The following IGSF11 variants were observed in gnomAD, a reference collection of about 807,000 sequenced individuals.
IGSF11 encodes CXADR like 1.
A neutral mutation model predicts 41.0 loss-of-function variants in IGSF11; 22 were observed. The ratio of observed to expected loss-of-function variants is 0.54; its 90% CI spans 0.38 to 0.77. The LOEUF (loss-of-function observed/expected upper bound fraction) is 0.77. Among genes scored for constraint, IGSF11 ranks in the 30% least tolerant of loss-of-function variants. IGSF11 has a pLI of 0.00. For synonymous variants in IGSF11, 219 were observed against 201.3 expected (o/e 1.09, Z -0.74); for missense variants, 444 against 530.8 (o/e 0.84, Z 1.61).
upstream of IGSF11, among the ~76,000 whole-genome samples, chr3:119,107,031 A>G (rs1187742495): frequency 2.6e-5 from 4 of 152,230 alleles, no homozygotes; most frequent in Non-Finnish European, 5.9e-5. Context: ...TATTGTAAAT[A>G]GTGCCACAAT....
chr3:119,048,947 G>A lies in IGSF11; in HGVS notation c.49+56197C>T, dbSNP rs961804702. On this transcript the variant is annotated intron_variant, in intron 1 of 6. Coordinates refer to the IGSF11 transcript ENST00000354673. Reference sequence around the variant, plus strand: ...AAAAGGCCTTTGACAAAATTCAACAGCCCTTCATGGTAAAAACTCTCAATA... The same window carrying A: ...AAAAGGCCTTTGACAAAATTCAACAACCCTTCATGGTAAAAACTCTCAATA... 2.9e-4 allele frequency among the ~76,000 whole-genome samples: 44 copies of A among 152,152 alleles called. No homozygotes were observed. The East Asian group carries it at 7.5e-3, about 26-fold the overall frequency.
Position 119,142,207 on chromosome 3 carries a change from G to A in IGSF11, c.-14+3606C>T, listed in dbSNP as rs531949503. Among the ~76,000 whole-genome samples, 22 of 150,244 alleles carry A rather than the reference G, an allele frequency of 1.5e-4. 1 individual carries two copies. The South Asian group carries it at 4.4e-3, about 30-fold the overall frequency. On this transcript the variant is annotated intron_variant, in intron 1 of 7. Transcript: ENST00000425327. The stretch of plus-strand genomic sequence containing the variant: ...GGAGAATGGCGTGAACCTGGGAGGC[G>A]GAGCTTGCACTGAGCCGAGATCGCG...
At position 118,926,159 on chromosome 3, in the gene IGSF11, T is replaced by C; in HGVS notation, c.522A>G (p.Pro174=). The stretch of plus-strand genomic sequence containing the variant: ...TGTCTAACTTCTCCCAAAGGTAAGT[T>C]GGTCGAGGAATGCCTTCCTCTGAGC... ...LCSSEEGIPR[P]TYLWEKLDNT... Residue 174 remains proline (P), a synonymous_variant, in exon 4 of 7, where the codon CCA becomes CCG. Coordinates refer to ENST00000393775, the MANE Select transcript of IGSF11 (RefSeq NM_001015887.3). The C allele has an allele frequency of 6.2e-7, 1 of 1,612,340 alleles. No individual in the cohort carries two copies. The highest frequency in any genetic ancestry group is 8.5e-7 in the Non-Finnish European group (1 of 1,178,844).
chr3:118,938,464 G>A (rs1213420642), intron 1 of IGSF11, among the ~76,000 whole-genome samples: 3 of 152,174 alleles, frequency 2.0e-5, no homozygotes, highest in Non-Finnish European at 4.4e-5. Context: ...GGGCATTTAT[G>A]TTTGCAACCC....
chr3:118,958,010 C>T (rs2107595716), intron 1 of IGSF11, among the ~76,000 whole-genome samples: 1 of 152,328 alleles, frequency 6.6e-6, no homozygotes, highest in African/African-American at 2.4e-5. Flanking sequence ...GAAAAGCCCT[C>T]CTCATAAAAT....
At chr3:119,086,498 AT>A (rs2076677388) in intron 1 of IGSF11, among the ~76,000 whole-genome samples, 1 of 151,990 alleles carries the variant, frequency 6.6e-6, no homozygotes, top group Non-Finnish European at 1.5e-5. Context: ...AAAAAAAAAA[AT>A]CTTAAAGGTA....
upstream of IGSF11, among the ~76,000 whole-genome samples, chr3:119,109,230 T>A (rs1450121045): frequency 0.012 from 1,733 of 147,372 alleles, 16 homozygotes; most frequent in African/African-American, 0.042. Context: ...GGACTCTTTT[T>A]GGTTGGTAAG....
chr3:118,927,518 G>GT (rs951835427), intron 3 of IGSF11, among the ~76,000 whole-genome samples: 2 of 152,066 alleles, frequency 1.3e-5, no homozygotes, highest in South Asian at 2.1e-4. Context: ...TTGGTCATCA[G>GT]TTTTTTTATT....
intron 1 of IGSF11, among the ~76,000 whole-genome samples, chr3:119,083,381 GCATGGGC>G (rs2076616281): frequency 6.6e-6 from 1 of 151,996 alleles, no homozygotes; most frequent in Non-Finnish European, 1.5e-5. Flanking sequence ...GGGATTACAA[GCATGGGC>G]CACTGCACCT....
chr3:118,994,751 T>C (rs933747107), intron 1 of IGSF11, among the ~76,000 whole-genome samples: 2 of 152,190 alleles, frequency 1.3e-5, no homozygotes, highest in African/African-American at 4.8e-5. Flanking sequence ...TCCAGTTCAG[T>C]ATACCATGTG....
chr3:119,098,992 G>C (rs1256178515), intron 1 of IGSF11, among the ~76,000 whole-genome samples: 3 of 152,072 alleles, frequency 2.0e-5, no homozygotes, highest in African/African-American at 7.2e-5. Flanking sequence ...CTCCCTTTGG[G>C]AAATCAGTCA....
At chr3:119,108,573 C>G (rs1166364648), upstream of IGSF11, among the ~76,000 whole-genome samples, 2 of 140,078 alleles carry the variant, frequency 1.4e-5, no homozygotes, top group African/African-American at 5.3e-5. Flanking sequence ...AATTGAATAC[C>G]CTTTATTTCC....
upstream of IGSF11, among the ~76,000 whole-genome samples, chr3:119,037,984 A>G (rs1410624111): frequency 1.3e-5 from 2 of 152,204 alleles, no homozygotes; most frequent in African/African-American, 4.8e-5. Context: ...TCTTAAAGTT[A>G]GGAAAAACCT....
chr3:118,948,869 G>T (rs767812161), intron 1 of IGSF11, among the ~76,000 whole-genome samples: 3 of 151,552 alleles, frequency 2.0e-5, no homozygotes, highest in South Asian at 4.2e-4. Flanking sequence ...CTACTCGGGA[G>T]GCTCAGGCAG....
At chr3:119,051,352 T>C (rs753769936) in intron 1 of IGSF11, among the ~76,000 whole-genome samples, 27 of 151,696 alleles carry the variant, frequency 1.8e-4, no homozygotes, top group Non-Finnish European at 3.8e-4. Flanking sequence ...AAACAGACTT[T>C]AAAGCAACAA....
At chr3:119,123,138 G>C (rs888648007) in intron 1 of IGSF11, among the ~76,000 whole-genome samples, 3 of 152,156 alleles carry the variant, frequency 2.0e-5, no homozygotes, top group Non-Finnish European at 4.4e-5. Context: ...GTGAGTCCCA[G>C]CCTGGCACCA....
At chr3:119,002,379 G>C (rs1174917461) in intron 1 of IGSF11, among the ~76,000 whole-genome samples, 8 of 150,960 alleles carry the variant, frequency 5.3e-5, no homozygotes, top group Non-Finnish European at 1.2e-4. Context: ...TTAGCCCTTT[G>C]TCAGATGAGT....
intron 1 of IGSF11, among the ~76,000 whole-genome samples, chr3:118,988,630 G>A (rs922987232): frequency 6.6e-6 from 1 of 152,116 alleles, no homozygotes; most frequent in Admixed American, 6.6e-5. Context: ...GGCTGTCCTC[G>A]GGGTGGGAAA....
chr3:119,040,251 G>T (rs1324651369), intron 1 of IGSF11, among the ~76,000 whole-genome samples: 1 of 152,018 alleles, frequency 6.6e-6, no homozygotes, highest in South Asian at 2.1e-4. Flanking sequence ...CCCAGGAAAT[G>T]ACTCAGTGCA....
Sources: allele counts gnomAD v4.1 joint callset (sites outside exome capture counted in the v4.1 genomes callset), GRCh38; gene constraint gnomAD v4.1.1; transcripts MANE v1.5; gene names NCBI Gene and HGNC (gene_info 2026-07-23, HGNC 2026-07-21).